The following SAR1A variants were observed in gnomAD, a reference collection of about 807,000 sequenced individuals.
SAR1A encodes secretion associated Ras related GTPase 1A.
Under a neutral mutation model 22.6 loss-of-function variants are expected in SAR1A, and 6 were observed. The ratio of observed to expected loss-of-function variants is 0.27; its 90% CI spans 0.15 to 0.52. The LOEUF (loss-of-function observed/expected upper bound fraction) is 0.52. SAR1A is among the 20% of genes least tolerant of loss of function. The probability of loss-of-function intolerance (pLI) is 0.96; values close to 1 mark genes in which losing one functional copy is unlikely to be tolerated. For missense variants in SAR1A, 145 were observed against 245.1 expected (o/e 0.59, Z 2.73); for synonymous variants, 70 against 82.2 (o/e 0.85, Z 0.80).
intron 1 of SAR1A, among the ~76,000 whole-genome samples, chr10:70,168,365 C>A (rs1273445193): frequency 6.6e-6 from 1 of 152,124 alleles, no homozygotes; most frequent in South Asian, 2.1e-4. Flanking sequence ...GAGGCCGAGG[C>A]AAGTGGATGA....
intron 1 of SAR1A, among the ~76,000 whole-genome samples, chr10:70,166,097 G>A (rs908622484): frequency 2.0e-5 from 3 of 152,204 alleles, no homozygotes; most frequent in Non-Finnish European, 2.9e-5. Flanking sequence ...TTTCTAAGAC[G>A]TAATGCTACT....
rs1839332895 is a variant in SAR1A at position 70,152,098 on chromosome 10, TA to T, written c.*377del. The T allele has an allele frequency of 3.9e-6, 1 of 253,926 alleles. No individual in the cohort carries two copies. The highest frequency in any genetic ancestry group is 2.2e-5 in the African/African-American group (1 of 44,602). The allele number at this position is 253,926 out of a possible 1,614,324, so 15.7% of individuals were successfully genotyped here. On this transcript the variant is annotated 3_prime_UTR_variant, in exon 7 of 7. Transcript: ENST00000373241. ...CAAGTAAATTGTGAACTCAAAAAGT[TA>T]GGAGGGATACCAATTACATTAACAA... is the stretch of plus-strand genomic sequence containing the variant.
At chr10:70,162,500 G>A (rs1839487735) in intron 1 of SAR1A, among the ~76,000 whole-genome samples, 1 of 123,562 alleles carries the variant, frequency 8.1e-6, no homozygotes, top group Admixed American at 8.1e-5. Context: ...GGGGAGGAGG[G>A]GAAGGGGAGG....
At chr10:70,152,664 C>T in intron 6 of SAR1A, 72 bp from the exon 7 acceptor site, 1 of 1,055,356 alleles carries the variant, frequency 9.5e-7, no homozygotes, top group African/African-American at 1.6e-5. Context: ...ACGATCATTA[C>T]AATCATTTTA....
At chr10:70,168,275 T>C (rs1237837360) in intron 1 of SAR1A, among the ~76,000 whole-genome samples, 1 of 152,236 alleles carries the variant, frequency 6.6e-6, no homozygotes, top group Non-Finnish European at 1.5e-5. Flanking sequence ...ATTTAAAGTG[T>C]GGCATTTTCT....
At position 70,161,891 on chromosome 10, in the gene SAR1A, A is replaced by T. The variant is rs1189505493; in HGVS notation, c.25T>A (p.Tyr9Asn). ...TGGAGCACACTGCTGAAGCCATTGT[A>T]GATCCACTCAAAGATGAAAGACATT... MSFIFEWI[Y>N]NGFSSVLQFL... Residue 9 changes from tyrosine to asparagine, a missense_variant, in exon 2 of 7, where the codon TAC becomes AAC. Physicochemically the swap from Tyr to Asn is moderately radical, Grantham distance 143 (BLOSUM62 -2). Coordinates refer to ENST00000373241, the MANE Select transcript of SAR1A (RefSeq NM_020150.5). 6.2e-7 allele frequency: 1 copy of T among 1,612,856 alleles called. No individual in the cohort carries two copies. The highest frequency in any genetic ancestry group is 1.1e-5 in the South Asian group (1 of 91,020).
rs1441788732 is a variant in SAR1A at position 70,148,418 on chromosome 10, C to G, written c.*4058G>C. 1 of 152,120 alleles carries G rather than the reference C, an allele frequency of 6.6e-6. No homozygotes were observed. The highest frequency in any genetic ancestry group is 2.1e-4 in the South Asian group (1 of 4,824). 9.4% of individuals were successfully genotyped at this position (152,120 alleles called of 1,614,324 possible). On this transcript the variant is annotated 3_prime_UTR_variant, in exon 7 of 7. Coordinates refer to ENST00000373241, the MANE Select transcript of SAR1A (RefSeq NM_020150.5). ...AGGCCATCTTGCCATAGCAGGCGGT[C>G]TTCTTTTGGTTCTATGACACAGAAG...
At chr10:70,165,282 A>G (rs577267081) in intron 1 of SAR1A, among the ~76,000 whole-genome samples, 4 of 151,794 alleles carry the variant, frequency 2.6e-5, no homozygotes, top group East Asian at 1.9e-4. Flanking sequence ...AAAAAAAAAA[A>G]AAAGAAATAT....
chr10:70,163,604 CA>C (rs1564571320), intron 1 of SAR1A: 2 of 664,026 alleles, frequency 3.0e-6, no homozygotes, highest in East Asian at 5.3e-5. Context: ...TGAAGAATGA[CA>C]CTAAATCAGT....
intron 5 of SAR1A, among the ~76,000 whole-genome samples, chr10:70,157,131 G>A (rs556869744): frequency 2.6e-5 from 4 of 152,128 alleles, no homozygotes; most frequent in East Asian, 3.9e-4. Flanking sequence ...TGGGCCAGGC[G>A]CGGTGGCTCA....
chr10:70,164,734 T>A (rs1037991582), intron 1 of SAR1A, among the ~76,000 whole-genome samples: 2 of 152,158 alleles, frequency 1.3e-5, no homozygotes, highest in Non-Finnish European at 2.9e-5. Flanking sequence ...ATTAAAAAAA[T>A]TACAATTAAA....
Position 70,150,600 on chromosome 10 carries a change from T to C in SAR1A, c.*1876A>G, listed in dbSNP as rs530325939. On this transcript the variant is annotated 3_prime_UTR_variant, in exon 7 of 7. Coordinates refer to ENST00000373241, the MANE Select transcript of SAR1A (RefSeq NM_020150.5). ...AAAACTAACACTGAAGTAATCATAC[T>C]TCTCATGTCTCCGAACAGAGAAGTA... 5 of 152,346 alleles carry C rather than the reference T, an allele frequency of 3.3e-5. No individual in the cohort carries two copies. The highest frequency in any genetic ancestry group is 1.2e-4 in the African/African-American group (5 of 41,574). The allele number at this position is 152,346 out of a possible 1,614,324, so 9.4% of individuals were successfully genotyped here. A position where few individuals can be genotyped will look rare whatever the true frequency, so the allele number is the denominator to read the frequency against.
intron 1 of SAR1A, among the ~76,000 whole-genome samples, chr10:70,165,630 A>G (rs540212536): frequency 1.3e-5 from 2 of 152,348 alleles, no homozygotes; most frequent in South Asian, 2.1e-4. Flanking sequence ...TCTTATGGAT[A>G]AGCAAAAAAA....
intron 4 of SAR1A, among the ~76,000 whole-genome samples, chr10:70,158,722 G>A (rs1356270780): frequency 7.5e-6 from 1 of 132,868 alleles, no homozygotes; most frequent in Non-Finnish European, 1.5e-5. Context: ...CATCGAACTT[G>A]CTCTCCTTTT....
chr10:70,152,581 G>A lies in SAR1A; in HGVS notation c.492C>T (p.Thr164=). The change falls in exon 7 of 7, where the codon ACC becomes ACT. Residue 164 remains threonine, a synonymous_variant. Coordinates refer to ENST00000373241, the MANE Select transcript of SAR1A (RefSeq NM_020150.5). Reference sequence around the variant, plus strand: ...TGGGGCGAGCATTCAGCTCCTTCAGGGTCACATTCCCCTAAAGGAGGCAAA... The same window carrying A: ...TGGGGCGAGCATTCAGCTCCTTCAGAGTCACATTCCCCTAAAGGAGGCAAA... ...YGQTTGKGNV[T]LKELNARPME... is the part of the protein sequence containing the mutation. The A allele has an allele frequency of 1.2e-6, 2 of 1,613,360 alleles. No individual in the cohort carries two copies. The highest frequency in any genetic ancestry group is 2.2e-5 in the East Asian group (1 of 44,880).
chr10:70,163,856 T>G (rs1589878100), intron 1 of SAR1A: 1 of 1,578,650 alleles, frequency 6.3e-7, no homozygotes, highest in South Asian at 1.1e-5. Context: ...AAGTAGATGC[T>G]GATGGTAATG....
rs1406742902 is a variant in SAR1A at position 70,161,604 on chromosome 10, T to C, written c.178+15A>G. 7 of 1,611,888 alleles carry C rather than the reference T, an allele frequency of 4.3e-6. No homozygotes were observed. The highest frequency in any genetic ancestry group is 5.9e-6 in the Non-Finnish European group (7 of 1,179,864). ...CTTTAAAGATCAAAAGGTCACCTGA[T>C]ATTTTCAAACCTACTCGGATGTAGT... On this transcript the variant is annotated intron_variant, in intron 3 of 6. Transcript: ENST00000373241.
intron 5 of SAR1A, among the ~76,000 whole-genome samples, chr10:70,157,451 G>A (rs530286856): frequency 3.3e-4 from 49 of 149,280 alleles, no homozygotes; most frequent in Non-Finnish European, 5.6e-4. Context: ...TTCATGACAC[G>A]TGAAACAGAA....
intron 1 of SAR1A, chr10:70,164,106 G>A (rs1402548053): frequency 1.3e-6 from 1 of 745,750 alleles, no homozygotes; most frequent in African/African-American, 1.7e-5. Context: ...CTATGAGTTT[G>A]TACAAATGAT....
Sources: gnomAD v4.1 joint callset for allele counts (sites outside exome capture counted in the v4.1 genomes callset) on GRCh38, gnomAD v4.1.1 for gene constraint, MANE v1.5 for transcripts, NCBI Gene and HGNC (gene_info 2026-07-23, HGNC 2026-07-21) for gene names.